RYK: variants seen among roughly 807,000 people sequenced by gnomAD.
RYK encodes the protein inactive tyrosine-protein kinase RYK.
RYK carries 21 observed loss-of-function variants against 70.2 expected under a neutral mutation model. The ratio of observed to expected loss-of-function variants is 0.30; its 90% CI spans 0.21 to 0.43. RYK has a LOEUF of 0.43. RYK is among the 20% of genes least tolerant of loss of function. The pLI, the probability that RYK is intolerant of heterozygous loss-of-function variation, is 1.00. For missense variants in RYK, 604 were observed against 753.3 expected (o/e 0.80, Z 2.32); for synonymous variants, 267 against 278.0 (o/e 0.96, Z 0.39).
At chr3:134,248,075 G>A (rs1329959190) in intron 1 of RYK, among the ~76,000 whole-genome samples, 1 of 152,106 alleles carries the variant, frequency 6.6e-6, no homozygotes, top group Non-Finnish European at 1.5e-5. Context: ...TCCCTACCTG[G>A]AGGAGCCAAG....
intron 1 of RYK, among the ~76,000 whole-genome samples, chr3:134,247,288 G>C (rs1447360050): frequency 2.0e-5 from 3 of 152,110 alleles, no homozygotes; most frequent in Non-Finnish European, 4.4e-5. Context: ...CATTGATTTA[G>C]AATGACGAAA....
intron 11 of RYK, 43 bp from the exon 12 acceptor site, chr3:134,176,082 A>G: frequency 8.9e-7 from 1 of 1,119,248 alleles, no homozygotes; most frequent in South Asian, 1.3e-5. Context: ...TAGCACACAA[A>G]TATGATGGCA....
intron 1 of RYK, among the ~76,000 whole-genome samples, chr3:134,250,061 G>A (rs2015571196): frequency 6.6e-6 from 1 of 151,676 alleles, no homozygotes; most frequent in Non-Finnish European, 1.5e-5. Context: ...GCCCTAGAGT[G>A]ACACACATAG....
At chr3:134,175,167 C>A (rs2013054324) in intron 13 of RYK, among the ~76,000 whole-genome samples, 1 of 152,120 alleles carries the variant, frequency 6.6e-6, no homozygotes, top group Non-Finnish European at 1.5e-5. Context: ...GAAACCCCGT[C>A]TCTACTAAAA....
rs116661185 is a variant in RYK, at chr3:134,236,011, A to G, written c.233-13472T>C. On this transcript the variant is annotated intron_variant, in intron 1 of 14. Transcript: ENST00000623711. ...CATTCCAATGAGTGCCTTATTTGGG[A>G]AAAAAAAGAAAACTGGGAACTGGGA... Among the ~76,000 whole-genome samples, 1,046 of 151,944 alleles carry G rather than the reference A, an allele frequency of 6.9e-3. 8 individuals carry two copies. Among genetic ancestry groups the G allele is most frequent in the African/African-American group, 0.022 (901 of 41,438 alleles).
chr3:134,185,137 AT>A (rs2013420987), intron 9 of RYK, among the ~76,000 whole-genome samples: 2 of 111,762 alleles, frequency 1.8e-5, no homozygotes, highest in Admixed American at 1.7e-4. Context: ...CCATCTATAA[AT>A]TAATTAATTA....
chr3:134,229,908 TAACTATTATAC>T (rs1355674323), intron 1 of RYK, among the ~76,000 whole-genome samples: 1 of 151,862 alleles, frequency 6.6e-6, no homozygotes, highest in East Asian at 1.9e-4. Context: ...GGAGGTGGAG[TAACTATTATAC>T]AACTCTTACA....
At chr3:134,163,404 G>A (rs573108120) in intron 13 of RYK, among the ~76,000 whole-genome samples, 1 of 152,274 alleles carries the variant, frequency 6.6e-6, no homozygotes, top group East Asian at 1.9e-4. Context: ...AGAAGGTCAT[G>A]CTGTTCTTTC....
chr3:134,186,558 C>G (rs2013468299), intron 9 of RYK, among the ~76,000 whole-genome samples: 2 of 152,174 alleles, frequency 1.3e-5, no homozygotes, highest in East Asian at 3.9e-4. Flanking sequence ...TCCCCTCTGT[C>G]CCCCATAAGG....
At chr3:134,213,885 C>A (rs1029450166) in intron 2 of RYK, among the ~76,000 whole-genome samples, 1 of 152,130 alleles carries the variant, frequency 6.6e-6, no homozygotes, top group Non-Finnish European at 1.5e-5. Flanking sequence ...CTCGCTGCAA[C>A]CTCCACCTCC....
chr3:134,217,438 C>T (rs546325132), intron 2 of RYK, among the ~76,000 whole-genome samples: 19 of 152,266 alleles, frequency 1.2e-4, no homozygotes, highest in African/African-American at 4.1e-4. Flanking sequence ...CTTCTCCTAC[C>T]TTAAGCAAAT....
chr3:134,224,890 T>C (rs2014856206), intron 1 of RYK, among the ~76,000 whole-genome samples: 1 of 152,204 alleles, frequency 6.6e-6, no homozygotes, highest in African/African-American at 2.4e-5. Context: ...GAATAAAGAG[T>C]AATGCTACAA....
At chr3:134,250,359 C>T in intron 1 of RYK, 64 bp downstream of exon 1, 2 of 1,074,494 alleles carry the variant, frequency 1.9e-6, no homozygotes, top group Non-Finnish European at 1.2e-6. Context: ...ACTGATCCGC[C>T]GGCGGCCGGA....
chr3:134,209,157 G>A lies in RYK; in HGVS notation c.589+538C>T, dbSNP rs146128384. Among the ~76,000 whole-genome samples the A allele has an allele frequency of 8.1e-4, 124 of 152,208 alleles. 4 individuals carry two copies. The East Asian group carries it at 0.022, about 27-fold the overall frequency. On this transcript the variant is annotated intron_variant, in intron 4 of 14. Transcript: ENST00000623711. ...CTAACTTTGCTAAGTACCCACATAC[G>A]GTATTCTAAGTTTTAGGCTAGATTT...
Position 134,209,508 on chromosome 3 carries a change from G to C in RYK, c.589+187C>G, listed in dbSNP as rs558958529. 2.0e-5 allele frequency among the ~76,000 whole-genome samples: 3 copies of C among 152,294 alleles called. No individual in the cohort carries two copies. The East Asian group carries it at 5.8e-4, about 29-fold the overall frequency. The stretch of plus-strand genomic sequence containing the variant: ...ATTTGAGAAAGCATGGACTGAATGA[G>C]GCCTGAGTGAGATTCTTGGCTACCA... On this transcript the variant is annotated intron_variant, in intron 4 of 14. Transcript: ENST00000623711.
At chr3:134,192,867 T>C (rs557678447) in intron 7 of RYK, among the ~76,000 whole-genome samples, 20 of 152,308 alleles carry the variant, frequency 1.3e-4, no homozygotes, top group Admixed American at 1.3e-4. Flanking sequence ...TTGACTGTGA[T>C]AGACTGTCTA....
chr3:134,224,484 T>C (rs1000875119), intron 1 of RYK, among the ~76,000 whole-genome samples: 10 of 152,348 alleles, frequency 6.6e-5, no homozygotes, highest in African/African-American at 1.7e-4. Context: ...AGGAACGTGA[T>C]TGCTAAAGCA....
At chr3:134,188,999 T>A (rs2013560103) in intron 8 of RYK, 76 bp from the exon 9 acceptor site, 2 of 852,086 alleles carry the variant, frequency 2.3e-6, no homozygotes, top group East Asian at 5.3e-5. Context: ...TGGCACAATA[T>A]AACATAAAAC....
rs146983978 is a variant in RYK at position 134,174,714 on chromosome 3, G to A, written c.1575+895C>T. Among the ~76,000 whole-genome samples, 449 of 152,162 alleles carry A rather than the reference G, an allele frequency of 3.0e-3. 1 individual carries two copies. Among genetic ancestry groups the A allele is most frequent in the African/African-American group, 0.01 (420 of 41,510 alleles). The stretch of plus-strand genomic sequence containing the variant: ...AATAAGACTAAGAAATCAAGTGACA[G>A]AAATTTTACATGGCTGTAAAATATG... On this transcript the variant is annotated intron_variant, in intron 13 of 14. Transcript: ENST00000623711.
Sources: gnomAD v4.1 joint callset for allele counts (sites outside exome capture counted in the v4.1 genomes callset) on GRCh38, gnomAD v4.1.1 for gene constraint, MANE v1.5 for transcripts, NCBI Gene and HGNC (gene_info 2026-07-23, HGNC 2026-07-21) for gene names.